NMT1: variants seen among roughly 807,000 people sequenced by gnomAD.
The protein encoded by NMT1 is glycylpeptide N-tetradecanoyltransferase 1.
NMT1 carries 12 observed loss-of-function variants against 63.4 expected under a neutral mutation model. That is an observed-to-expected ratio of 0.19 (90% CI 0.12 to 0.31). NMT1 has a LOEUF of 0.31. Ranked by LOEUF, NMT1 falls within the 10% of genes least tolerant of loss-of-function variation. The pLI is 1.00. For synonymous variants in NMT1, 228 were observed against 234.3 expected (o/e 0.97, Z 0.25); for missense variants, 432 against 634.6 (o/e 0.68, Z 3.43).
At chr17:45,089,729 CCTGG>C (rs2054076331) in intron 3 of NMT1, among the ~76,000 whole-genome samples, 1 of 152,048 alleles carries the variant, frequency 6.6e-6, no homozygotes, top group African/African-American at 2.4e-5. Flanking sequence ...GCCTTGATCT[CCTGG>C]GCTCAAGCAA....
rs2054190828 is a variant in NMT1 at position 45,104,545 on chromosome 17, T to TC, written c.1333-312dup. On this transcript the variant is annotated intron_variant, in intron 10 of 11. Transcript: ENST00000258960. The surrounding 1 kb of genome is among the most constrained non-coding windows in gnomAD (Gnocchi z 4.2). ...AGAGGAATGGGCTCAGGGTTTGGACTCCAGAGAGGACTGTGGAAATTACTA... is the reference window on the plus strand; with the variant it reads ...AGAGGAATGGGCTCAGGGTTTGGACTCCCAGAGAGGACTGTGGAAATTACTA... 1 of 1,159,164 alleles carries TC rather than the reference T, an allele frequency of 8.6e-7. No homozygotes were observed. Among genetic ancestry groups the TC allele is most frequent in the Non-Finnish European group, 1.1e-6 (1 of 935,592 alleles). The allele number at this position is 1,159,164 out of a possible 1,614,324, so 71.8% of individuals were successfully genotyped here.
intron 2 of NMT1, among the ~76,000 whole-genome samples, chr17:45,085,765 T>A (rs1041790684): frequency 3.9e-5 from 6 of 152,018 alleles, no homozygotes; most frequent in African/African-American, 1.4e-4. Flanking sequence ...TGTAATGACC[T>A]CTGGGATTAG....
chr17:45,066,875 G>C (rs2053906576), intron 1 of NMT1, among the ~76,000 whole-genome samples: 1 of 151,872 alleles, frequency 6.6e-6, no homozygotes, highest in Non-Finnish European at 1.5e-5. Context: ...ATCATCCCTG[G>C]CTAATTTTCT....
At chr17:45,073,633 A>G (rs962627064) in intron 1 of NMT1, among the ~76,000 whole-genome samples, 1 of 152,162 alleles carries the variant, frequency 6.6e-6, no homozygotes, top group African/African-American at 2.4e-5. Context: ...CAAACACCAA[A>G]GCTGTGTTCT....
chr17:45,082,953 G>A (rs527436574), intron 2 of NMT1, among the ~76,000 whole-genome samples: 48 of 152,262 alleles, frequency 3.2e-4, no homozygotes, highest in African/African-American at 1.1e-3. Context: ...GGAGGCAGAG[G>A]TTGAAGTGAG....
At chr17:45,101,299 T>G (rs1296737060) in intron 8 of NMT1, among the ~76,000 whole-genome samples, 1 of 149,036 alleles carries the variant, frequency 6.7e-6, no homozygotes, top group Non-Finnish European at 1.5e-5. Flanking sequence ...ATTACAGGCA[T>G]GAGCCACTGT....
chr17:45,069,983 C>T (rs2040558), intron 1 of NMT1, among the ~76,000 whole-genome samples: 27,354 of 151,954 alleles, frequency 0.18, 2,793 homozygotes, highest in Admixed American at 0.23. Flanking sequence ...TTTGATTTTA[C>T]CTTGGAGTTG....
In NMT1 at chr17:45,084,483, C is replaced by T. The variant is rs369036222; in HGVS notation, c.241-2025C>T. The stretch of plus-strand genomic sequence containing the variant: ...CCGAGTAGCTGGGACTACAGCCGCC[C>T]GTGACCACACTGGCTAATTTTTTGT... On this transcript the variant is annotated intron_variant, in intron 2 of 11. Transcript: ENST00000258960. Among the ~76,000 whole-genome samples, 198 of 151,910 alleles carry T rather than the reference C, an allele frequency of 1.3e-3. 2 individuals carry two copies. In the Middle Eastern group the frequency reaches 0.017, roughly 13 times the overall value.
chr17:45,081,337 G>A (rs1031713543), intron 1 of NMT1, among the ~76,000 whole-genome samples: 6 of 152,172 alleles, frequency 3.9e-5, no homozygotes, highest in African/African-American at 1.2e-4. Flanking sequence ...ATTATCATTC[G>A]TCTTTGGTGC....
At chr17:45,084,062 T>A (rs975798999) in intron 2 of NMT1, among the ~76,000 whole-genome samples, 3 of 152,202 alleles carry the variant, frequency 2.0e-5, no homozygotes, top group Non-Finnish European at 4.4e-5. Context: ...AGAAAATGTA[T>A]GTAGTTTTAT....
chr17:45,068,099 AAAG>A (rs1240488124), intron 1 of NMT1, among the ~76,000 whole-genome samples: 1 of 152,210 alleles, frequency 6.6e-6, no homozygotes, highest in African/African-American at 2.4e-5. Context: ...CCAATTCCTC[AAAG>A]AAGATGTCCT....
At chr17:45,097,309 A>G in intron 6 of NMT1, 65 bp downstream of exon 6, 3 of 1,242,004 alleles carry the variant, frequency 2.4e-6, no homozygotes, top group East Asian at 2.3e-5. Context: ...GGGAGAGAGT[A>G]GAAAAAGGCT....
Position 45,086,544 on chromosome 17 carries a change from C to A in NMT1, c.277C>A (p.Gln93Lys). ...GCCAGCAGAGAGGATCCAGGAAATA[C>A]AGAAGGCCATTGAGCTGTTCTCAGT... ...SLPAERIQEI[Q>K]KAIELFSVGQ... The change falls in exon 3 of 12, where the codon CAG becomes AAG. Residue 93 changes from glutamine (Q) to lysine (K), a missense_variant. Coordinates refer to ENST00000258960, the MANE Select transcript of NMT1 (RefSeq NM_021079.5). 6.2e-7 allele frequency: 1 copy of A among 1,612,746 alleles called. No individual in the cohort carries two copies. The highest frequency in any genetic ancestry group is 8.5e-7 in the Non-Finnish European group (1 of 1,179,528).
chr17:45,072,781 G>C (rs2053950990), intron 1 of NMT1, among the ~76,000 whole-genome samples: 1 of 143,918 alleles, frequency 6.9e-6, no homozygotes, highest in Non-Finnish European at 1.5e-5. Context: ...GGATGGTCTC[G>C]ATCTCCTGAC....
At chr17:45,100,260 T>A (rs963133956) in intron 8 of NMT1, among the ~76,000 whole-genome samples, 1 of 152,140 alleles carries the variant, frequency 6.6e-6, no homozygotes, top group Non-Finnish European at 1.5e-5. Flanking sequence ...GGCCAATTTT[T>A]GTTTTTATAG....
chr17:45,077,432 C>G (rs1474939904), intron 1 of NMT1, among the ~76,000 whole-genome samples: 1 of 152,120 alleles, frequency 6.6e-6, no homozygotes, highest in African/African-American at 2.4e-5. Context: ...ATCTTCTTAC[C>G]CAGGCTGTAG....
intron 1 of NMT1, among the ~76,000 whole-genome samples, chr17:45,073,280 A>G (rs963501548): frequency 3.9e-5 from 6 of 152,014 alleles, no homozygotes; most frequent in Non-Finnish European, 7.4e-5. Flanking sequence ...TTAGCCAGGC[A>G]TGATGGCACA....
In NMT1 at chr17:45,103,176, C is replaced by T; in HGVS notation, c.1164+55C>T. On this transcript the variant is annotated intron_variant, in intron 9 of 11. Coordinates refer to ENST00000258960, the MANE Select transcript of NMT1 (RefSeq NM_021079.5). The surrounding 1 kb of genome is among the most constrained non-coding windows in gnomAD (Gnocchi z 4.8). The stretch of plus-strand genomic sequence containing the variant: ...TAACACGTTCCCAGAGAGGCACCCC[C>T]CTGAGTGGCCGGGTTCCCAGGGCTC... The T allele has an allele frequency of 6.5e-7, 1 of 1,544,570 alleles. No homozygotes were observed. Among genetic ancestry groups the T allele is most frequent in the South Asian group, 1.2e-5 (1 of 84,034 alleles).
Position 45,103,118 on chromosome 17 carries a change from G to C in NMT1, c.1161G>C (p.Val387=). The change falls in exon 9 of 12, where the codon GTG becomes GTC. Residue 387 remains valine (V), a synonymous_variant. Transcript: ENST00000258960. The surrounding 1 kb of genome is among the most constrained non-coding windows in gnomAD (Gnocchi z 4.8). ...AGAATATCATCGACACTTTCGTGGT[G>C]GAGGTGAGTCAGGGAGTGGTGTTCC... The part of the protein sequence containing the change: ...PQENIIDTFV[V]ENANGEVTDF... The C allele has an allele frequency of 6.2e-7, 1 of 1,607,300 alleles. No individual in the cohort carries two copies. The highest frequency in any genetic ancestry group is 8.5e-7 in the Non-Finnish European group (1 of 1,174,300).
Sources: gnomAD v4.1 joint callset for allele counts (sites outside exome capture counted in the v4.1 genomes callset) on GRCh38, gnomAD v4.1.1 for gene constraint, Gnocchi (gnomAD v3.1) non-coding constraint, MANE v1.5 for transcripts, NCBI Gene and HGNC (gene_info 2026-07-23, HGNC 2026-07-21) for gene names.